The following PRKCH variants were observed in gnomAD, a reference collection of about 807,000 sequenced individuals.
PRKCH encodes the protein protein kinase C eta type.
Under a neutral mutation model 82.5 loss-of-function variants are expected in PRKCH, and 28 were observed. The observed-to-expected ratio is 0.34, with a 90% CI of 0.25 to 0.47. PRKCH has a LOEUF of 0.47. Among genes scored for constraint, PRKCH ranks in the 20% least tolerant of loss-of-function variants. The pLI is 1.00. For missense variants in PRKCH, 705 were observed against 881.8 expected, an observed-to-expected ratio of 0.80 and a Z score of 2.54; for synonymous variants, 322 against 327.4, an observed-to-expected ratio of 0.98 and a Z score of 0.18.
At chr14:61,399,572 C>A (rs1881487933) in intron 2 of PRKCH, among the ~76,000 whole-genome samples, 1 of 152,090 alleles carries the variant, frequency 6.6e-6, no homozygotes, top group African/African-American at 2.4e-5. Flanking sequence ...AAGATAATTC[C>A]TTTTGTTCCG....
At chr14:61,240,057 T>C (rs952654698) in intron 1 of PRKCH, among the ~76,000 whole-genome samples, 5 of 152,222 alleles carry the variant, frequency 3.3e-5, no homozygotes, top group Admixed American at 6.5e-5. Flanking sequence ...GTTTTGCCAT[T>C]AGTAACTGAG....
intron 8 of PRKCH, 53 bp from the exon 9 acceptor site, chr14:61,457,453 C>A: frequency 6.2e-7 from 1 of 1,600,390 alleles, no homozygotes; most frequent in Non-Finnish European, 8.5e-7. Context: ...GTGCACACAC[C>A]CTAAGACCCC....
intron 1 of PRKCH, among the ~76,000 whole-genome samples, chr14:61,292,398 C>T (rs1370452510): frequency 6.6e-6 from 1 of 152,028 alleles, no homozygotes; most frequent in African/African-American, 2.4e-5. Context: ...GGGAGGATTG[C>T]TTGAGCCCAG....
intron 1 of PRKCH, among the ~76,000 whole-genome samples, chr14:61,296,454 TG>T: frequency 6.6e-6 from 1 of 152,328 alleles, no homozygotes; most frequent in Non-Finnish European, 1.5e-5. Context: ...AAAATTCCTT[TG>T]ACCCCAGAAC....
At chr14:61,374,412 G>T (rs2046403579) in intron 1 of PRKCH, among the ~76,000 whole-genome samples, 1 of 152,162 alleles carries the variant, frequency 6.6e-6, no homozygotes, top group African/African-American at 2.4e-5. Flanking sequence ...GGGACTCTGT[G>T]TGGGGGTTTC....
At chr14:61,350,309 C>A (rs1348307520) in intron 1 of PRKCH, among the ~76,000 whole-genome samples, 1 of 152,180 alleles carries the variant, frequency 6.6e-6, no homozygotes, top group Admixed American at 6.5e-5. Flanking sequence ...CTGTTGACTG[C>A]TGGGCCCCAG....
rs1219481637 is a variant in PRKCH at position 61,453,311 on chromosome 14, G to A, written c.918G>A (p.Leu306=). 2 of 1,614,048 alleles carry A rather than the reference G, an allele frequency of 1.2e-6. No individual in the cohort carries two copies. The highest frequency in any genetic ancestry group is 2.2e-5 in the South Asian group (2 of 91,074). Residue 306 remains leucine (L), a synonymous_variant, in exon 7 of 14, where the codon CTG becomes CTA. Coordinates refer to ENST00000332981, the MANE Select transcript of PRKCH (RefSeq NM_006255.5). The part of the protein sequence containing the change: ...GVNAVELAKT[L]AGMGLQPGNI... Reference sequence around the variant, plus strand: ...ATGCGGTGGAACTTGCCAAGACCCTGGCAGGGATGGGTCTCCAACCCGGAA... The same window carrying A: ...ATGCGGTGGAACTTGCCAAGACCCTAGCAGGGATGGGTCTCCAACCCGGAA...
At chr14:61,505,179 T>C (rs1164575278) in intron 10 of PRKCH, among the ~76,000 whole-genome samples, 1 of 152,142 alleles carries the variant, frequency 6.6e-6, no homozygotes, top group East Asian at 1.9e-4. Context: ...TGGACTACTA[T>C]GACAGAACAC....
At chr14:61,188,738 T>TGTGTGTGTGA (rs1459793910) in intron 1 of PRKCH, among the ~76,000 whole-genome samples, 2 of 145,744 alleles carry the variant, frequency 1.4e-5, no homozygotes, top group South Asian at 2.2e-4. Flanking sequence ...TGTGTGTGTG[T>TGTGTGTGTGA]GATGGAGTTT....
rs376473555 is a variant in PRKCH at position 61,505,964 on chromosome 14, C to T, written c.1433+20308C>T. Among the ~76,000 whole-genome samples the T allele has an allele frequency of 1.3e-4, 20 of 152,174 alleles. 1 individual carries two copies. The highest frequency in any genetic ancestry group is 8.5e-4 in the Admixed American group (13 of 15,296). On this transcript the variant is annotated intron_variant, in intron 10 of 13. Coordinates refer to ENST00000332981, the MANE Select transcript of PRKCH (RefSeq NM_006255.5). ...CTCCGTTAAGAAAGGTGAGGAGCCCCGGGCCAGACCCACAGGAAGTGTCCC... is the reference window on the plus strand; with the variant it reads ...CTCCGTTAAGAAAGGTGAGGAGCCCTGGGCCAGACCCACAGGAAGTGTCCC...
chr14:61,489,823 T>C (rs1364485175), intron 10 of PRKCH, among the ~76,000 whole-genome samples: 1 of 152,220 alleles, frequency 6.6e-6, no homozygotes, highest in Non-Finnish European at 1.5e-5. Flanking sequence ...TGCATCCCAT[T>C]GACCAGACAT....
At chr14:61,429,289 T>A (rs1182965595) in intron 2 of PRKCH, among the ~76,000 whole-genome samples, 1 of 152,210 alleles carries the variant, frequency 6.6e-6, no homozygotes, top group African/African-American at 2.4e-5. Context: ...TATGTTCATG[T>A]TATGGAACCA....
At chr14:61,215,195 A>T (rs937063362) in intron 1 of PRKCH, among the ~76,000 whole-genome samples, 26 of 152,178 alleles carry the variant, frequency 1.7e-4, no homozygotes, top group Admixed American at 1.2e-3. Context: ...GTTGTTGTGA[A>T]GGTCTTTTTT....
At chr14:61,273,417 A>G (rs2045175136) in intron 1 of PRKCH, among the ~76,000 whole-genome samples, 1 of 152,176 alleles carries the variant, frequency 6.6e-6, no homozygotes, top group Non-Finnish European at 1.5e-5. Flanking sequence ...TGGGGTAATT[A>G]CCAGGCAGGG....
At chr14:61,220,107 C>T (rs2044643537) in intron 1 of PRKCH, among the ~76,000 whole-genome samples, 1 of 152,244 alleles carries the variant, frequency 6.6e-6, no homozygotes, top group South Asian at 2.1e-4. Flanking sequence ...GCAGACAGTC[C>T]CAGGGCCTCA....
intron 1 of PRKCH, among the ~76,000 whole-genome samples, chr14:61,338,787 G>A (rs2045891404): frequency 6.6e-6 from 1 of 152,038 alleles, no homozygotes; most frequent in African/African-American, 2.4e-5. Context: ...ACTCCAATAT[G>A]CATTTTTCTC....
chr14:61,235,295 C>A (rs540610641), intron 1 of PRKCH, among the ~76,000 whole-genome samples: 1 of 152,236 alleles, frequency 6.6e-6, no homozygotes, highest in Non-Finnish European at 1.5e-5. Flanking sequence ...CTTTCCATCA[C>A]CGCTAGGCAA....
intron 9 of PRKCH, among the ~76,000 whole-genome samples, chr14:61,480,659 A>G (rs1348920360): frequency 6.6e-6 from 1 of 152,180 alleles, no homozygotes; most frequent in Non-Finnish European, 1.5e-5. Context: ...TGGGCTTATA[A>G]TTCTAGTAGA....
chr14:61,350,341 T>A (rs2046055023), intron 1 of PRKCH, among the ~76,000 whole-genome samples: 1 of 152,180 alleles, frequency 6.6e-6, no homozygotes, highest in Admixed American at 6.5e-5. Flanking sequence ...CATGTGCCCT[T>A]GCCCCGCCTG....
Sources: allele counts gnomAD v4.1 joint callset (sites outside exome capture counted in the v4.1 genomes callset), GRCh38; gene constraint gnomAD v4.1.1; transcripts MANE v1.5; gene names NCBI Gene and HGNC (gene_info 2026-07-23, HGNC 2026-07-21).